Variants in CFAP91 observed in about 807,000 individuals in gnomAD.
CFAP91 encodes cilia and flagella associated protein 91, also known as cilia- and flagella-associated protein 91.
A neutral mutation model predicts 95.9 loss-of-function variants in CFAP91; 85 were observed. The ratio of observed to expected loss-of-function variants is 0.89; its 90% CI spans 0.74 to 1.06. CFAP91 has a LOEUF of 1.06. Ranked by LOEUF, CFAP91 falls within the 50% of genes least tolerant of loss-of-function variation. The pLI is 0.00. For missense variants in CFAP91, 962 were observed against 943.4 expected (o/e 1.02, Z -0.26); for synonymous variants, 335 against 327.5 (o/e 1.02, Z -0.25).
Position 119,738,205 on chromosome 3 carries a change from C to T in CFAP91, c.1461+723C>T, listed in dbSNP as rs368737042. ...GTGTTGGTGGGAGACCATGCTAACA[C>T]CTGTTACTACCTCTGATGAGTGGCT... On this transcript the variant is annotated intron_variant, in intron 11 of 17. Transcript: ENST00000273390. Among the ~76,000 whole-genome samples the T allele has an allele frequency of 5.9e-5, 9 of 152,140 alleles. No individual in the cohort carries two copies. In the East Asian group the frequency reaches 1.2e-3, roughly 20 times the overall value.
At chr3:119,741,988 AGAGTCCTG>A (rs1174774190) in intron 13 of CFAP91, among the ~76,000 whole-genome samples, 1 of 152,182 alleles carries the variant, frequency 6.6e-6, no homozygotes, top group Non-Finnish European at 1.5e-5. Flanking sequence ...TAGAAGTCCT[AGAGTCCTG>A]GAAAAGCTCA....
At chr3:119,707,139 T>A in intron 2 of CFAP91, 1 of 541,184 alleles carries the variant, frequency 1.8e-6, no homozygotes, top group Non-Finnish European at 3.3e-6. Flanking sequence ...TATATGCCCA[T>A]GTTAAAAGAA....
intron 2 of CFAP91, 60 bp downstream of exon 2, chr3:119,706,945 C>CT: frequency 7.8e-7 from 1 of 1,276,500 alleles, no homozygotes; most frequent in South Asian, 1.2e-5. Context: ...GTTTGCCTGA[C>CT]TGCATTGATC....
chr3:119,762,021 AC>A (rs1171494532), intron 17 of CFAP91, among the ~76,000 whole-genome samples: 2 of 151,996 alleles, frequency 1.3e-5, no homozygotes, highest in Non-Finnish European at 2.9e-5. Context: ...AATAAAAGGC[AC>A]CCAAATTGGA....
chr3:119,755,340 C>T (rs1030800623), intron 17 of CFAP91, among the ~76,000 whole-genome samples: 4 of 152,066 alleles, frequency 2.6e-5, no homozygotes, highest in Admixed American at 6.5e-5. Flanking sequence ...AAGCTATAAC[C>T]CCCAATGTGG....
At chr3:119,740,825 C>A in intron 13 of CFAP91, 130 bp downstream of exon 13, 1 of 969,858 alleles carries the variant, frequency 1.0e-6, no homozygotes, top group Non-Finnish European at 1.5e-6. Flanking sequence ...TCCCATCACT[C>A]TGTCAGCATT....
chr3:119,745,616 C>T lies in CFAP91; in HGVS notation c.1902+1420C>T, dbSNP rs4687881. ...TAAACTTTCCACCTCTCTACTATTA[C>T]GTGACTGAGCTAATTGATCCATATA... On this transcript the variant is annotated intron_variant, in intron 14 of 17. Coordinates refer to ENST00000273390, the MANE Select transcript of CFAP91 (RefSeq NM_033364.4). Among the ~76,000 whole-genome samples the T allele has an allele frequency of 7.3e-3, 1,118 of 152,340 alleles. 7 individuals are homozygous for T. Among genetic ancestry groups the T allele is most frequent in the Middle Eastern group, 0.037 (11 of 294 alleles).
chr3:119,740,721 A>G lies in CFAP91; in HGVS notation c.1680+26A>G, dbSNP rs202003504. ...GTTTTCCTTTTTTTGTTTTCTTGTT[A>G]CTTTCTTGTTAAATTTTCTCCCTTG... is the stretch of plus-strand genomic sequence containing the variant. On this transcript the variant is annotated intron_variant, in intron 13 of 17. Coordinates refer to ENST00000273390, the MANE Select transcript of CFAP91 (RefSeq NM_033364.4). 143 of 1,601,616 alleles carry G rather than the reference A, an allele frequency of 8.9e-5. No individual in the cohort carries two copies. In the Middle Eastern group the frequency reaches 4.3e-3, roughly 48 times the overall value.
Position 119,732,383 on chromosome 3 carries a change from C to T in CFAP91, c.1108C>T (p.Gln370Ter). 6.2e-7 allele frequency: 1 copy of T among 1,612,520 alleles called. No individual in the cohort carries two copies. Among genetic ancestry groups the T allele is most frequent in the Non-Finnish European group, 8.5e-7 (1 of 1,178,726 alleles). ...IIKDYSDYAS[Q>*]VYGPLSRLGC... ...CAAGGATTATTCTGATTATGCATCA[C>T]AGGTCTATGGACCTCTGTCTCGTCT... Residue 370 changes from glutamine (Q) to a stop codon, truncating the protein, a stop_gained, in exon 9 of 18, where the codon CAG becomes TAG. Coordinates refer to ENST00000273390, the MANE Select transcript of CFAP91 (RefSeq NM_033364.4). LOFTEE classifies it high-confidence loss of function.
intron 5 of CFAP91, among the ~76,000 whole-genome samples, chr3:119,712,821 G>C (rs148266598): frequency 0.013 from 1,962 of 152,072 alleles, 25 homozygotes; most frequent in African/African-American, 0.034. Context: ...TGGGTGAGGT[G>C]GTGGGCACCT....
At chr3:119,734,052 T>G (rs1220529590) in intron 10 of CFAP91, among the ~76,000 whole-genome samples, 1 of 152,188 alleles carries the variant, frequency 6.6e-6, no homozygotes, top group South Asian at 2.1e-4. Context: ...TTCTTTCCTG[T>G]GCATCAGAAT....
chr3:119,709,479 A>G (rs2053435462), intron 4 of CFAP91, among the ~76,000 whole-genome samples: 1 of 152,222 alleles, frequency 6.6e-6, no homozygotes, highest in South Asian at 2.1e-4. Flanking sequence ...CAGGAACTTG[A>G]GAAGTTGTTG....
chr3:119,753,805 A>G (rs982863445), intron 17 of CFAP91, among the ~76,000 whole-genome samples: 2 of 152,040 alleles, frequency 1.3e-5, no homozygotes, highest in Non-Finnish European at 2.9e-5. Flanking sequence ...TTTATCCCTC[A>G]TCCCCTTCCC....
At chr3:119,724,108 C>T (rs11915611) in intron 6 of CFAP91, among the ~76,000 whole-genome samples, 2,036 of 148,054 alleles carry the variant, frequency 0.014, 38 homozygotes, top group African/African-American at 0.049. Context: ...GCAGAGGTTG[C>T]AGGGAGCCGA....
chr3:119,714,607 G>A (rs1274833050), intron 5 of CFAP91, among the ~76,000 whole-genome samples: 1 of 152,062 alleles, frequency 6.6e-6, no homozygotes, highest in Non-Finnish European at 1.5e-5. Flanking sequence ...CTTCTCATAT[G>A]TTTGTTAGAA....
chr3:119,707,582 G>A, intron 3 of CFAP91, 21 bp downstream of exon 3: 1 of 1,529,552 alleles, frequency 6.5e-7, no homozygotes, highest in African/African-American at 1.4e-5. Flanking sequence ...GGTGGCTCCA[G>A]GGCCTAAAAT....
intron 10 of CFAP91, among the ~76,000 whole-genome samples, 181 bp from the exon 11 acceptor site, chr3:119,737,185 C>T (rs1357879236): frequency 6.6e-6 from 1 of 151,998 alleles, no homozygotes; most frequent in African/African-American, 2.4e-5. Context: ...ATATCTGTGA[C>T]CTAGATCTGG....
Position 119,707,548 on chromosome 3 carries a change from C to T in CFAP91, c.346C>T (p.Arg116Trp), listed in dbSNP as rs773732976. The part of the protein sequence containing the change: ...GHKEKHREAL[R>W]QLTTTDASFQ... ...TAAGGAGAAACACAGAGAAGCCCTC[C>T]GGCAGCTCACCACGTAAGTGTCGGG... Residue 116 changes from arginine to tryptophan, a missense_variant, in exon 3 of 18, where the codon CGG (arginine) becomes TGG (tryptophan). Physicochemically the swap from Arg to Trp is moderately radical, Grantham distance 101 (BLOSUM62 -3). Coordinates refer to ENST00000273390, the MANE Select transcript of CFAP91 (RefSeq NM_033364.4). 1.7e-5 allele frequency: 26 copies of T among 1,573,160 alleles called. No individual in the cohort carries two copies. The highest frequency in any genetic ancestry group is 9.4e-5 in the South Asian group (8 of 85,146).
At chr3:119,727,701 G>T (rs562723219) in intron 7 of CFAP91, among the ~76,000 whole-genome samples, 14 of 152,298 alleles carry the variant, frequency 9.2e-5, no homozygotes, top group African/African-American at 3.4e-4. Flanking sequence ...TCTATCAGGT[G>T]ATGTGCTGTT....
Sources: gnomAD v4.1 joint callset for allele counts (sites outside exome capture counted in the v4.1 genomes callset) on GRCh38, gnomAD v4.1.1 for gene constraint, MANE v1.5 for transcripts, NCBI Gene and HGNC (gene_info 2026-07-23, HGNC 2026-07-21) for gene names.